The following NDRG3 variants were observed in gnomAD, a reference collection of about 807,000 sequenced individuals.
NDRG3 encodes NDRG family member 3, also known as protein NDRG3.
Under a neutral mutation model 57.2 loss-of-function variants are expected in NDRG3, and 23 were observed. That is an observed-to-expected ratio of 0.40 (90% CI 0.29 to 0.57). The LOEUF is 0.57. Among genes scored for constraint, NDRG3 ranks in the 20% least tolerant of loss-of-function variants. The pLI, the probability that NDRG3 is intolerant of heterozygous loss-of-function variation, is 0.42. For synonymous variants in NDRG3, 132 were observed against 162.6 expected, an observed-to-expected ratio of 0.81 and a Z score of 1.43; for missense variants, 384 against 457.3, an observed-to-expected ratio of 0.84 and a Z score of 1.46.
chr20:36,672,876 G>C (rs534403542), intron 8 of NDRG3, among the ~76,000 whole-genome samples: 2 of 151,726 alleles, frequency 1.3e-5, no homozygotes, highest in African/African-American at 4.8e-5. Context: ...ATTAGGACAC[G>C]ATTGATTGAC....
chr20:36,666,292 T>G lies in NDRG3; in HGVS notation c.689A>C (p.Asn230Thr). The change falls in exon 10 of 16, where the codon AAT becomes ACT. Residue 230 changes from asparagine to threonine, a missense_variant. Coordinates refer to ENST00000349004, the MANE Select transcript of NDRG3 (RefSeq NM_032013.4). ...AAGAAACAGGAAAAAACTATACCCATTGTAGGAATTCAAGAAGAGCTGCAG... is the reference window on the plus strand; with the variant it reads ...AAGAAACAGGAAAAAACTATACCCAGTGTAGGAATTCAAGAAGAGCTGCAG... ...DNLQLFLNSY[N>T]GRRDLEIERP... is the part of the protein sequence containing the mutation. 1.2e-6 allele frequency: 2 copies of G among 1,608,528 alleles called. No individual in the cohort carries two copies. Among genetic ancestry groups the G allele is most frequent in the Non-Finnish European group, 1.7e-6 (2 of 1,175,020 alleles).
Position 36,652,641 on chromosome 20 carries a change from T to C in NDRG3, c.*879A>G, listed in dbSNP as rs1036502624. The C allele has an allele frequency of 3.9e-5, 6 of 152,132 alleles. No homozygotes were observed. Among genetic ancestry groups the C allele is most frequent in the Non-Finnish European group, 7.3e-5 (5 of 68,032 alleles). 9.4% of individuals were successfully genotyped at this position (152,132 alleles called of 1,614,324 possible). Reference sequence around the variant, plus strand: ...CTGTCACAGACCTAAGAGGCACTTCTTGTGGATATGTGGATGTCTGGTATC... The same window carrying C: ...CTGTCACAGACCTAAGAGGCACTTCCTGTGGATATGTGGATGTCTGGTATC... On this transcript the variant is annotated 3_prime_UTR_variant, in exon 16 of 16. Coordinates refer to ENST00000349004, the MANE Select transcript of NDRG3 (RefSeq NM_032013.4).
chr20:36,688,699 T>C lies in NDRG3; in HGVS notation c.179A>G (p.Tyr60Cys), dbSNP rs755179492. The part of the protein sequence containing the change: ...PKGNRPVILT[Y>C]HDIGLNHKSC... ...CATACGGTTGAGGCCAATGTCATGA[T>C]ATGTTAGTATAACTGGTCTGTTTCC... is the stretch of plus-strand genomic sequence containing the variant. Residue 60 changes from tyrosine to cysteine, a missense_variant, in exon 4 of 16, where the codon TAT becomes TGT. Tyr to Cys is a radical substitution (Grantham distance 194). Coordinates refer to ENST00000349004, the MANE Select transcript of NDRG3 (RefSeq NM_032013.4). 49 of 1,612,676 alleles carry C rather than the reference T, an allele frequency of 3.0e-5. No individual in the cohort carries two copies. Among genetic ancestry groups the C allele is most frequent in the Non-Finnish European group, 4.1e-5 (48 of 1,178,750 alleles).
rs2148044915 is a variant in NDRG3 at position 36,666,401 on chromosome 20, A to G, written c.589-9T>C. 1 of 1,596,204 alleles carries G rather than the reference A, an allele frequency of 6.3e-7. No homozygotes were observed. The highest frequency in any genetic ancestry group is 8.6e-7 in the Non-Finnish European group (1 of 1,163,802). The stretch of plus-strand genomic sequence containing the variant: ...TTGGCCTGTAACTCTTCCTAGAACA[A>G]TTGAAAGAAGACATGGGTAAGCTTC... On this transcript the variant is annotated splice_polypyrimidine_tract_variant and intron_variant, in intron 9 of 15. Transcript: ENST00000349004.
Position 36,656,367 on chromosome 20 carries a change from C to T in NDRG3, c.939G>A (p.Met313Ile), listed in dbSNP as rs1473003618. ...TEAFKYFLQG[M>I]GYIPSASMTR... ...AAGTTGTGTACTACTCACTGTAGCC[C>T]ATTCCCTGCAAAAAGTACTTGAAGG... The change falls in exon 15 of 16, where the codon ATG becomes ATA. Residue 313 changes from methionine (M) to isoleucine (I), a missense_variant. Physicochemically the swap from Met to Ile is conservative, Grantham distance 10. Coordinates refer to ENST00000349004, the MANE Select transcript of NDRG3 (RefSeq NM_032013.4). 4 of 1,613,952 alleles carry T rather than the reference C, an allele frequency of 2.5e-6. No individual in the cohort carries two copies. The highest frequency in any genetic ancestry group is 3.4e-6 in the Non-Finnish European group (4 of 1,180,028).
intron 3 of NDRG3, among the ~76,000 whole-genome samples, chr20:36,693,558 G>C (rs895570697): frequency 6.6e-6 from 1 of 151,894 alleles, no homozygotes; most frequent in African/African-American, 2.4e-5. Context: ...CCGCACAGGA[G>C]GAGGTGAGTG....
At chr20:36,717,868 C>T (rs1984365084) in intron 2 of NDRG3, among the ~76,000 whole-genome samples, 1 of 152,296 alleles carries the variant, frequency 6.6e-6, no homozygotes, top group South Asian at 2.1e-4. Flanking sequence ...CTGGGGAGTG[C>T]TATTAGCATC....
chr20:36,662,951 C>T (rs749391651), intron 12 of NDRG3, among the ~76,000 whole-genome samples: 63 of 152,164 alleles, frequency 4.1e-4, no homozygotes, highest in Non-Finnish European at 8.4e-4. Context: ...CCAAGATGAA[C>T]AGAAATACTA....
At chr20:36,736,931 C>T (rs1401954075) in intron 1 of NDRG3, among the ~76,000 whole-genome samples, 1 of 152,106 alleles carries the variant, frequency 6.6e-6, no homozygotes, top group African/African-American at 2.4e-5. Flanking sequence ...AGTACCCCTG[C>T]TCATCCTCAG....
At chr20:36,670,566 C>T (rs1980055997) in intron 9 of NDRG3, among the ~76,000 whole-genome samples, 1 of 152,096 alleles carries the variant, frequency 6.6e-6, no homozygotes, top group Non-Finnish European at 1.5e-5. Context: ...TCTTTGGTTT[C>T]CCTATCTTAA....
At chr20:36,657,770 G>A (rs1978809823) in intron 13 of NDRG3, among the ~76,000 whole-genome samples, 1 of 152,190 alleles carries the variant, frequency 6.6e-6, no homozygotes, top group Non-Finnish European at 1.5e-5. Flanking sequence ...ATTAACAAGG[G>A]AGAGGCCCCT....
chr20:36,685,274 C>T (rs913681228), intron 5 of NDRG3, among the ~76,000 whole-genome samples: 19 of 151,578 alleles, frequency 1.3e-4, no homozygotes, highest in African/African-American at 4.4e-4. Flanking sequence ...CATAGAATAA[C>T]ATAGTTATTT....
At chr20:36,715,321 C>A (rs1229873158) in intron 2 of NDRG3, among the ~76,000 whole-genome samples, 1 of 151,412 alleles carries the variant, frequency 6.6e-6, no homozygotes, top group East Asian at 2.0e-4. Context: ...TGCTTCGGAA[C>A]CCATTTCTTG....
intron 1 of NDRG3, among the ~76,000 whole-genome samples, chr20:36,733,171 A>AAAAAAAAT (rs1555807709): frequency 6.0e-5 from 2 of 33,228 alleles, no homozygotes; most frequent in Non-Finnish European, 5.5e-5. Context: ...AAAAAAAAAA[A>AAAAAAAAT]ATATATATAT....
chr20:36,666,376 T>A lies in NDRG3; in HGVS notation c.605A>T (p.Asn202Ile), dbSNP rs759588765. 1.2e-6 allele frequency: 2 copies of A among 1,613,796 alleles called. No homozygotes were observed. The highest frequency in any genetic ancestry group is 2.7e-5 in the African/African-American group (2 of 74,924). The change falls in exon 10 of 16, where the codon AAC becomes ATC. Residue 202 changes from asparagine to isoleucine, a missense_variant. Asn to Ile is a moderately radical substitution (Grantham distance 149, BLOSUM62 -3). Transcript: ENST00000349004. Reference protein sequence around the residue: ...HHFGQEELQANLDLIQTYRMH... With the variant: ...HHFGQEELQAILDLIQTYRMH... The stretch of plus-strand genomic sequence containing the variant: ...TCTGTAGGTTTGGATCAGGTCCAGG[T>A]TGGCCTGTAACTCTTCCTAGAACAA...
chr20:36,729,079 G>C (rs1369996217), intron 1 of NDRG3, among the ~76,000 whole-genome samples: 1 of 152,104 alleles, frequency 6.6e-6, no homozygotes, highest in African/African-American at 2.4e-5. Flanking sequence ...GTCTGTGCCA[G>C]GCCCCATCTA....
At chr20:36,682,333 T>C (rs1047907063) in intron 7 of NDRG3, among the ~76,000 whole-genome samples, 185 bp downstream of exon 7, 5 of 152,198 alleles carry the variant, frequency 3.3e-5, no homozygotes, top group African/African-American at 9.6e-5. Context: ...CTGTCCCCAT[T>C]TGTGATTTTT....
intron 8 of NDRG3, 79 bp from the exon 9 acceptor site, chr20:36,671,476 C>T: frequency 9.6e-7 from 1 of 1,040,360 alleles, no homozygotes; most frequent in Non-Finnish European, 1.5e-6. Context: ...AATGAGTGCA[C>T]TTTATTATAT....
At chr20:36,703,421 CCTAT>C (rs5841239) in intron 3 of NDRG3, among the ~76,000 whole-genome samples, 82,434 of 146,740 alleles carry the variant, frequency 0.56, 23,931 homozygotes, top group Middle Eastern at 0.74. Flanking sequence ...TATGTAATAT[CCTAT>C]CTATCTATCT....
Sources: allele counts gnomAD v4.1 joint callset (sites outside exome capture counted in the v4.1 genomes callset), GRCh38; gene constraint gnomAD v4.1.1; transcripts MANE v1.5; gene names NCBI Gene and HGNC (gene_info 2026-07-23, HGNC 2026-07-21).